The following OGA variants were observed in gnomAD, a reference collection of about 807,000 sequenced individuals.
The protein encoded by OGA is protein O-GlcNAcase.
A neutral mutation model predicts 102.0 loss-of-function variants in OGA; 21 were observed. The ratio of observed to expected loss-of-function variants is 0.21; its 90% CI spans 0.15 to 0.30. The LOEUF (loss-of-function observed/expected upper bound fraction) is 0.30. OGA is among the 10% of genes least tolerant of loss of function. The probability of loss-of-function intolerance (pLI) is 1.00; values close to 1 mark genes in which losing one functional copy is unlikely to be tolerated. For synonymous variants in OGA, 408 were observed against 378.2 expected (o/e 1.08, Z -0.91); for missense variants, 765 against 1,107.8 (o/e 0.69, Z 4.39).
At chr10:101,811,003 T>G (rs2065547125) in intron 3 of OGA, among the ~76,000 whole-genome samples, 1 of 152,152 alleles carries the variant, frequency 6.6e-6, no homozygotes. Context: ...GCTTTTTTTT[T>G]TTGTTTTGCC....
chr10:101,805,760 C>A (rs1006442636), intron 6 of OGA, among the ~76,000 whole-genome samples: 2 of 151,306 alleles, frequency 1.3e-5, no homozygotes, highest in African/African-American at 4.9e-5. Flanking sequence ...TCGAGACCAT[C>A]CTGGCTAACA....
intron 10 of OGA, 96 bp from the exon 11 acceptor site, chr10:101,794,094 ACT>A (rs1451511965): frequency 3.2e-5 from 25 of 790,856 alleles, no homozygotes; most frequent in South Asian, 4.8e-5. Context: ...CGTGGAAATA[ACT>A]CTCTAACAAT....
intron 1 of OGA, 28 bp from the exon 2 acceptor site, chr10:101,813,634 A>AT: frequency 7.1e-7 from 1 of 1,402,248 alleles, no homozygotes; most frequent in Non-Finnish European, 1.0e-6. Context: ...ATGAAATTAT[A>AT]TTCAGTTTTA....
In OGA at chr10:101,786,433, TCA is replaced by T. The variant is rs767049851; in HGVS notation, c.*16_*17del. On this transcript the variant is annotated 3_prime_UTR_variant, in exon 16 of 16. Coordinates refer to ENST00000361464, the MANE Select transcript of OGA (RefSeq NM_012215.5). ...TGCAGTTAAGAGACTTTTGGACAGTTCACAGTGTCAACAAATGTCACAGGCTC... is the reference window on the plus strand; with the variant it reads ...TGCAGTTAAGAGACTTTTGGACAGTTCAGTGTCAACAAATGTCACAGGCTC... 4.4e-6 allele frequency: 7 copies of T among 1,598,402 alleles called. No homozygotes were observed. Among genetic ancestry groups the T allele is most frequent in the East Asian group, 2.3e-5 (1 of 44,444 alleles).
At position 101,817,979 on chromosome 10, in the gene OGA, C is replaced by T; in HGVS notation, c.44G>A (p.Ser15Asn). The T allele has an allele frequency of 1.2e-6, 2 of 1,604,502 alleles. No individual in the cohort carries two copies. Among genetic ancestry groups the T allele is most frequent in the Non-Finnish European group, 1.7e-6 (2 of 1,174,066 alleles). The change falls in exon 1 of 16, where the codon AGC (serine) becomes AAC (asparagine). Residue 15 changes from serine (S) to asparagine (N), a missense_variant. Coordinates refer to ENST00000361464, the MANE Select transcript of OGA (RefSeq NM_012215.5). ...GGCGGCAGGGTTGGAGCTGAGCTCG[C>T]TCTCCCGCTCCTCCAACGTCGCTTG... ...ESQATLEERESELSSNPAASA... is the reference protein window; with the variant it reads ...ESQATLEERENELSSNPAASA...
chr10:101,786,664 C>T lies in OGA; in HGVS notation c.2615-77G>A, dbSNP rs533396465. The T allele has an allele frequency of 5.8e-4, 695 of 1,201,940 alleles. 1 individual carries two copies. Among genetic ancestry groups the T allele is most frequent in the Middle Eastern group, 4.6e-3 (18 of 3,910 alleles). The allele number at this position is 1,201,940 out of a possible 1,614,324, so 74.5% of individuals were successfully genotyped here. On this transcript the variant is annotated intron_variant, in intron 15 of 15. Transcript: ENST00000361464. ...ATTATAGATATAAAACTATAATCTT[C>T]GAGATGGTTAATATAAACAGGGCTT... is the stretch of plus-strand genomic sequence containing the variant.
rs768357729 is a variant in OGA, at chr10:101,792,960, A to T, written c.2071-17T>A. The T allele has an allele frequency of 6.3e-7, 1 of 1,594,516 alleles. No individual in the cohort carries two copies. The highest frequency in any genetic ancestry group is 1.1e-5 in the South Asian group (1 of 90,706). On this transcript the variant is annotated splice_polypyrimidine_tract_variant and intron_variant, in intron 11 of 15. Coordinates refer to ENST00000361464, the MANE Select transcript of OGA (RefSeq NM_012215.5). Reference sequence around the variant, plus strand: ...CAGCAAACGCTGTGGGAAGAAAAAAAAGGAGATGGATTAGTTTGGGGAAGG... The same window carrying T: ...CAGCAAACGCTGTGGGAAGAAAAAATAGGAGATGGATTAGTTTGGGGAAGG...
intron 7 of OGA, among the ~76,000 whole-genome samples, chr10:101,802,069 A>G (rs2065400045): frequency 6.6e-6 from 1 of 151,976 alleles, no homozygotes; most frequent in South Asian, 2.1e-4. Context: ...CGCTTGAACC[A>G]GGGAGGCAGA....
In OGA at chr10:101,786,320, T is replaced by C. The variant is rs990931335; in HGVS notation, c.*131A>G. 6 of 950,352 alleles carry C rather than the reference T, an allele frequency of 6.3e-6. No individual in the cohort carries two copies. In the African/African-American group the frequency reaches 8.5e-5, roughly 13 times the overall value. 58.9% of individuals were successfully genotyped at this position (950,352 alleles called of 1,614,324 possible). ...CAAAGTGTGATGGGTGAGTTTTACA[T>C]AGTCTTCTTTGTTTCGAATCCAATT... On this transcript the variant is annotated 3_prime_UTR_variant, in exon 16 of 16. Transcript: ENST00000361464.
intron 14 of OGA, among the ~76,000 whole-genome samples, chr10:101,789,286 G>T (rs1038465132): frequency 6.6e-6 from 1 of 152,132 alleles, no homozygotes; most frequent in Non-Finnish European, 1.5e-5. Flanking sequence ...ATCACCTGAG[G>T]TCGGGAGTTT....
chr10:101,798,503 CG>C (rs1175959614), intron 9 of OGA, among the ~76,000 whole-genome samples: 1 of 151,498 alleles, frequency 6.6e-6, no homozygotes, highest in African/African-American at 2.4e-5. Context: ...CTCCGCCTCC[CG>C]GGTTCTTCAA....
chr10:101,817,050 G>A (rs2065637454), intron 1 of OGA, among the ~76,000 whole-genome samples: 1 of 152,218 alleles, frequency 6.6e-6, no homozygotes. Flanking sequence ...AGAGCTGCAA[G>A]GTGGACTATC....
chr10:101,806,827 A>G (rs546050747), intron 5 of OGA, among the ~76,000 whole-genome samples: 1 of 152,316 alleles, frequency 6.6e-6, no homozygotes, highest in Non-Finnish European at 1.5e-5. Flanking sequence ...CAATCCCAGC[A>G]TTTTGGGAGG....
intron 7 of OGA, among the ~76,000 whole-genome samples, chr10:101,803,448 T>TAAAAAA (rs575226082): frequency 4.0e-5 from 3 of 74,298 alleles, no homozygotes; most frequent in Non-Finnish European, 8.2e-5. Flanking sequence ...TGAATCATAC[T>TAAAAAA]AAAAAAAAAA....
chr10:101,812,889 C>T (rs1283749689), intron 3 of OGA, 141 bp downstream of exon 3: 1 of 744,098 alleles, frequency 1.3e-6, no homozygotes, highest in Non-Finnish European at 2.4e-6. Context: ...TCTCAGCTAA[C>T]TGAATAGTTA....
At position 101,804,883 on chromosome 10, in the gene OGA, C is replaced by T. The variant is rs116398696; in HGVS notation, c.752-864G>A. Among the ~76,000 whole-genome samples the T allele has an allele frequency of 9.3e-3, 1,423 of 152,270 alleles. 19 individuals carry two copies. The highest frequency in any genetic ancestry group is 0.033 in the African/African-American group (1,351 of 41,536). ...CAGCACTGGGATTACAGGCACGAAC[C>T]AATGCACCCAGCCACAATTTTTCTT... On this transcript the variant is annotated intron_variant, in intron 6 of 15. Transcript: ENST00000361464.
intron 10 of OGA, among the ~76,000 whole-genome samples, chr10:101,795,586 A>T (rs1220428224): frequency 6.6e-6 from 1 of 152,244 alleles, no homozygotes; most frequent in Non-Finnish European, 1.5e-5. Flanking sequence ...AGAGAGGAGG[A>T]AAAGGAAGGG....
intron 12 of OGA, among the ~76,000 whole-genome samples, chr10:101,791,641 G>A (rs1165198650): frequency 6.6e-6 from 1 of 152,172 alleles, no homozygotes; most frequent in East Asian, 1.9e-4. Flanking sequence ...CAAGGTTTTA[G>A]GAATACTGAG....
chr10:101,800,832 T>C (rs2065382005), intron 7 of OGA, among the ~76,000 whole-genome samples: 3 of 148,034 alleles, frequency 2.0e-5, no homozygotes, highest in Non-Finnish European at 4.5e-5. Flanking sequence ...TGGAGTGCAG[T>C]GGCAGGATCT....
Sources: allele counts gnomAD v4.1 joint callset (sites outside exome capture counted in the v4.1 genomes callset), GRCh38; gene constraint gnomAD v4.1.1; transcripts MANE v1.5; gene names NCBI Gene and HGNC (gene_info 2026-07-23, HGNC 2026-07-21).